MGAT4C: variants seen among roughly 807,000 people sequenced by gnomAD.
The protein encoded by MGAT4C is MGAT4 family member C, also known as alpha-1,3-mannosyl-glycoprotein 4-beta-N-acetylglucosaminyltransferase C.
A neutral mutation model predicts 40.1 loss-of-function variants in MGAT4C; 19 were observed. That is an observed-to-expected ratio of 0.47 (90% CI 0.33 to 0.70). The LOEUF is 0.70. Ranked by LOEUF, MGAT4C falls within the 30% of genes least tolerant of loss-of-function variation. The probability of loss-of-function intolerance (pLI) is 0.02; values close to 1 mark genes in which losing one functional copy is unlikely to be tolerated. For missense variants in MGAT4C, 491 were observed against 563.2 expected (o/e 0.87, Z 1.30); for synonymous variants, 181 against 187.1 (o/e 0.97, Z 0.27).
chr12:86,633,061 A>G (rs544982552), intron 2 of MGAT4C, among the ~76,000 whole-genome samples: 1 of 151,956 alleles, frequency 6.6e-6, no homozygotes, highest in Non-Finnish European at 1.5e-5. Flanking sequence ...TATATTATAT[A>G]TTTGAAGGGA....
At chr12:86,283,082 C>T (rs1362415503) in intron 4 of MGAT4C, among the ~76,000 whole-genome samples, 1 of 152,000 alleles carries the variant, frequency 6.6e-6, no homozygotes, top group Non-Finnish European at 1.5e-5. Flanking sequence ...TCATACCTTC[C>T]ATTGGCAATT....
At chr12:86,268,938 C>T (rs570929814) in intron 4 of MGAT4C, among the ~76,000 whole-genome samples, 1 of 143,032 alleles carries the variant, frequency 7.0e-6, no homozygotes, top group African/African-American at 2.5e-5. Flanking sequence ...TACAGTACCC[C>T]TTTCGAACAC....
intron 3 of MGAT4C, among the ~76,000 whole-genome samples, chr12:86,338,417 C>A (rs1013385699): frequency 6.6e-6 from 1 of 152,134 alleles, no homozygotes; most frequent in Non-Finnish European, 1.5e-5. Flanking sequence ...CTTCTAGCTG[C>A]GTGACTCCTA....
chr12:86,649,912 A>C (rs1963649092), intron 2 of MGAT4C, among the ~76,000 whole-genome samples: 2 of 151,902 alleles, frequency 1.3e-5, no homozygotes, highest in Admixed American at 6.6e-5. Flanking sequence ...GAAAATATTA[A>C]AAATGTTAAA....
chr12:86,498,722 G>T (rs1958284687), intron 2 of MGAT4C, among the ~76,000 whole-genome samples: 1 of 151,896 alleles, frequency 6.6e-6, no homozygotes, highest in Non-Finnish European at 1.5e-5. Flanking sequence ...AAAATGCCTG[G>T]TGATGCTAAT....
chr12:86,309,097 C>A (rs889879149), intron 4 of MGAT4C, among the ~76,000 whole-genome samples: 4 of 150,644 alleles, frequency 2.7e-5, no homozygotes, highest in Middle Eastern at 3.2e-3. Context: ...CAGTTGCTAA[C>A]ATGGTATTCA....
At chr12:86,279,831 T>C (rs1161421472) in intron 4 of MGAT4C, among the ~76,000 whole-genome samples, 2 of 152,016 alleles carry the variant, frequency 1.3e-5, no homozygotes, top group East Asian at 1.9e-4. Context: ...TTTTGGTAAG[T>C]TGTGTTCCCA....
chr12:86,719,966 A>ACAT (rs1950711139), intron 2 of MGAT4C, among the ~76,000 whole-genome samples: 1 of 152,168 alleles, frequency 6.6e-6, no homozygotes, highest in Non-Finnish European at 1.5e-5. Flanking sequence ...GAGAGAGTCT[A>ACAT]CAAAACTTAA....
chr12:86,665,236 C>G (rs2136554836), intron 2 of MGAT4C, among the ~76,000 whole-genome samples: 1 of 152,190 alleles, frequency 6.6e-6, no homozygotes. Context: ...AAGGCCAGCC[C>G]CAAGTGAGGT....
chr12:86,819,785 T>A (rs1360129201), intron 1 of MGAT4C, among the ~76,000 whole-genome samples: 1 of 150,748 alleles, frequency 6.6e-6, no homozygotes. Context: ...ATAATTATAA[T>A]AATGATTAAA....
At position 85,970,888 on chromosome 12, in the gene MGAT4C, C is replaced by A. The variant is rs149258087; in HGVS notation, c.*8401G>T. 4.4e-3 allele frequency: 662 copies of A among 151,310 alleles called. 3 individuals are homozygous for A. Among genetic ancestry groups the A allele is most frequent in the African/African-American group, 0.016 (646 of 41,448 alleles). 9.4% of individuals were successfully genotyped at this position (151,310 alleles called of 1,614,324 possible). A position where few individuals can be genotyped will look rare whatever the true frequency, so the allele number is the denominator to read the frequency against. ...ACCTACATAATGTCAATCTCTATTGCTCCTAACACATGAGTGGCTAAAATT... is the reference window on the plus strand; with the variant it reads ...ACCTACATAATGTCAATCTCTATTGATCCTAACACATGAGTGGCTAAAATT... On this transcript the variant is annotated 3_prime_UTR_variant, in exon 5 of 5. Transcript: ENST00000611864.
In MGAT4C at chr12:86,331,726, C is replaced by T. The variant is rs549598205; in HGVS notation, c.-57+2339G>A. ...GGGGCCTCTCCTGCCTTGCTCATGT[C>T]TGCCTGACTACCTAATGTAACATGT... On this transcript the variant is annotated intron_variant, in intron 4 of 7. Transcript: ENST00000548651. Among the ~76,000 whole-genome samples the T allele has an allele frequency of 7.8e-4, 119 of 152,240 alleles. 3 individuals are homozygous for T. In the South Asian group the frequency reaches 0.024, roughly 31 times the overall value.
intron 2 of MGAT4C, among the ~76,000 whole-genome samples, chr12:86,485,927 A>G (rs1958011645): frequency 6.6e-6 from 1 of 152,158 alleles, no homozygotes; most frequent in Non-Finnish European, 1.5e-5. Context: ...TATTTTTAGC[A>G]TCTCTAAAGA....
intron 3 of MGAT4C, among the ~76,000 whole-genome samples, chr12:86,352,003 GGAAAAATATA>G (rs1265253950): frequency 6.6e-6 from 1 of 151,788 alleles, no homozygotes; most frequent in East Asian, 1.9e-4. Context: ...AAAAATTATG[GGAAAAATATA>G]GAAAAATTGC....
chr12:86,491,036 T>C (rs1267047037), intron 2 of MGAT4C, among the ~76,000 whole-genome samples: 1 of 152,052 alleles, frequency 6.6e-6, no homozygotes. Flanking sequence ...TACCCAGGAA[T>C]TGAACTCAGC....
intron 3 of MGAT4C, among the ~76,000 whole-genome samples, chr12:86,431,825 C>T (rs1957045097): frequency 6.6e-6 from 1 of 152,110 alleles, no homozygotes; most frequent in Admixed American, 6.6e-5. Flanking sequence ...TCAAAAGTTT[C>T]ATCTGTATCC....
intron 4 of MGAT4C, among the ~76,000 whole-genome samples, chr12:86,266,600 G>T (rs2136102546): frequency 6.6e-6 from 1 of 152,114 alleles, no homozygotes; most frequent in South Asian, 2.1e-4. Flanking sequence ...GAGTTTTGTT[G>T]TTGTGATTGT....
intron 1 of MGAT4C, among the ~76,000 whole-genome samples, chr12:86,210,335 A>G (rs1283696369): frequency 3.9e-5 from 6 of 152,216 alleles, no homozygotes; most frequent in Non-Finnish European, 7.4e-5. Flanking sequence ...GTTTCAGACA[A>G]TAATGTCTAG....
chr12:86,513,937 G>GCCCTCAAAA (rs1401146679), intron 2 of MGAT4C, among the ~76,000 whole-genome samples: 7 of 151,852 alleles, frequency 4.6e-5, no homozygotes, highest in East Asian at 3.9e-4. Flanking sequence ...TACGAAAGGG[G>GCCCTCAAAA]GCATAAAGGA....
Sources: gnomAD v4.1 joint callset for allele counts (sites outside exome capture counted in the v4.1 genomes callset) on GRCh38, gnomAD v4.1.1 for gene constraint, MANE v1.5 for transcripts, NCBI Gene and HGNC (gene_info 2026-07-23, HGNC 2026-07-21) for gene names.